The following MYO6 variants were observed in gnomAD, a reference collection of about 807,000 sequenced individuals.
MYO6 encodes unconventional myosin-VI.
Under a neutral mutation model 178.7 loss-of-function variants are expected in MYO6, and 74 were observed. The ratio of observed to expected loss-of-function variants is 0.41; its 90% CI spans 0.34 to 0.50. The LOEUF (loss-of-function observed/expected upper bound fraction) is 0.50. Ranked by LOEUF, MYO6 falls within the 20% of genes least tolerant of loss-of-function variation. The probability of loss-of-function intolerance (pLI) is 0.09; values close to 1 mark genes in which losing one functional copy is unlikely to be tolerated. For missense variants in MYO6, 1,330 were observed against 1,547.4 expected (o/e 0.86, Z 2.36); for synonymous variants, 477 against 504.6 (o/e 0.95, Z 0.73).
At chr6:75,768,081 G>C (rs1174093166) in intron 1 of MYO6, 1 of 151,306 alleles carries the variant, frequency 6.6e-6, no homozygotes, top group Non-Finnish European at 1.5e-5. Context: ...CATTTTACCA[G>C]TTTGCATTTG....
chr6:75,861,861 T>A (rs184110521), intron 15 of MYO6, among the ~76,000 whole-genome samples: 16 of 152,314 alleles, frequency 1.1e-4, no homozygotes, highest in African/African-American at 3.8e-4. Flanking sequence ...TCTGAGTCTT[T>A]GACTGTGTGG....
chr6:75,817,889 A>G (rs1440996633), intron 2 of MYO6, among the ~76,000 whole-genome samples: 1 of 152,148 alleles, frequency 6.6e-6, no homozygotes, highest in Non-Finnish European at 1.5e-5. Flanking sequence ...TGAGCCTTTC[A>G]TTCTTTGTTT....
chr6:75,753,421 C>T (rs1397928078), intron 1 of MYO6, among the ~76,000 whole-genome samples: 1 of 146,934 alleles, frequency 6.8e-6, no homozygotes, highest in East Asian at 2.0e-4. Context: ...TATCTATATG[C>T]ATGTATCTAT....
intron 30 of MYO6, among the ~76,000 whole-genome samples, chr6:75,903,137 T>TA (rs1420246731): frequency 7.2e-5 from 11 of 152,274 alleles, no homozygotes; most frequent in Non-Finnish European, 1.6e-4. Context: ...AGGAGAGCCT[T>TA]ACTTCCAAGT....
intron 1 of MYO6, among the ~76,000 whole-genome samples, chr6:75,769,628 G>T (rs578194120): frequency 6.6e-6 from 1 of 152,198 alleles, no homozygotes; most frequent in African/African-American, 2.4e-5. Context: ...TAGGCTGGGC[G>T]TGGTGGCTCA....
At chr6:75,788,734 G>C (rs72890606) in intron 1 of MYO6, among the ~76,000 whole-genome samples, 1 of 152,102 alleles carries the variant, frequency 6.6e-6, no homozygotes, top group African/African-American at 2.4e-5. Flanking sequence ...CACTGCCTCC[G>C]GTCCAGAATG....
intron 9 of MYO6, among the ~76,000 whole-genome samples, chr6:75,844,652 T>G (rs1232367422): frequency 1.3e-5 from 2 of 152,146 alleles, no homozygotes; most frequent in Non-Finnish European, 2.9e-5. Flanking sequence ...TTTATGTCAT[T>G]GATTTTTAAT....
At chr6:75,868,837 C>A (rs1776908409) in intron 18 of MYO6, among the ~76,000 whole-genome samples, 1 of 151,946 alleles carries the variant, frequency 6.6e-6, no homozygotes, top group Non-Finnish European at 1.5e-5. Context: ...GAAACATAAA[C>A]CCTTTACTGT....
intron 4 of MYO6, among the ~76,000 whole-genome samples, chr6:75,829,555 G>C (rs1438031889): frequency 6.6e-6 from 1 of 152,046 alleles, no homozygotes; most frequent in African/African-American, 2.4e-5. Context: ...TGACAGCTGG[G>C]AGATAGAACT....
At chr6:75,840,779 T>C in intron 8 of MYO6, 97 bp downstream of exon 8, 1 of 867,516 alleles carries the variant, frequency 1.2e-6, no homozygotes, top group Admixed American at 2.0e-5. Context: ...GGTAAATACC[T>C]TTAAGTTTCA....
In MYO6 at chr6:75,860,454, G is replaced by A. The variant is rs557779320; in HGVS notation, c.1474-569G>A. Among the ~76,000 whole-genome samples the A allele has an allele frequency of 4.7e-4, 71 of 152,208 alleles. No homozygotes were observed. The South Asian group carries it at 0.014, about 31-fold the overall frequency. On this transcript the variant is annotated intron_variant, in intron 14 of 34. Coordinates refer to ENST00000369977, the MANE Select transcript of MYO6 (RefSeq NM_004999.4). ...CCAACCTACCAAAAAACTTTATCTA[G>A]AAATATTGTAAAAAGGAGACTGTAT...
intron 1 of MYO6, among the ~76,000 whole-genome samples, chr6:75,807,815 G>A (rs942769515): frequency 2.0e-5 from 3 of 152,258 alleles, no homozygotes; most frequent in Admixed American, 6.5e-5. Flanking sequence ...CTTTACTGCA[G>A]CCCGTTTTAT....
intron 11 of MYO6, among the ~76,000 whole-genome samples, chr6:75,849,834 A>C (rs965112327): frequency 6.6e-6 from 1 of 152,134 alleles, no homozygotes; most frequent in Non-Finnish European, 1.5e-5. Context: ...CTTAGGTTTT[A>C]TTTACTTTAT....
At chr6:75,812,693 CAT>C (rs1295949567) in intron 1 of MYO6, among the ~76,000 whole-genome samples, 3 of 151,790 alleles carry the variant, frequency 2.0e-5, no homozygotes, top group East Asian at 1.9e-4. Context: ...TACGTGAGAA[CAT>C]GTGAAGTTTT....
rs907122357 is a variant in MYO6, at chr6:75,859,736, T to G, written c.1473+743T>G. On this transcript the variant is annotated intron_variant, in intron 14 of 34. Transcript: ENST00000369977. ...ATGCAGTGGCGCGATCTCGGCTCAC[T>G]GCAACCTCTGCCTCCCAGGTTCAAG... is the stretch of plus-strand genomic sequence containing the variant. 3.3e-5 allele frequency among the ~76,000 whole-genome samples: 5 copies of G among 149,260 alleles called. No homozygotes were observed. In the Admixed American group the frequency reaches 3.4e-4, roughly 10 times the overall value.
chr6:75,908,447 G>A (rs750845247), intron 31 of MYO6, 49 bp from the exon 32 acceptor site: 26 of 1,574,058 alleles, frequency 1.7e-5, no homozygotes, highest in South Asian at 5.7e-5. Context: ...TATGTTAGAC[G>A]AATAAATTAA....
At chr6:75,785,682 A>G (rs9447554) in intron 1 of MYO6, among the ~76,000 whole-genome samples, 9,701 of 151,242 alleles carry the variant, frequency 0.064, 396 homozygotes, top group East Asian at 0.18. Flanking sequence ...GTAATCTTCT[A>G]TACAAACTTA....
chr6:75,805,827 G>A (rs1770021717), intron 1 of MYO6, among the ~76,000 whole-genome samples: 1 of 152,166 alleles, frequency 6.6e-6, no homozygotes, highest in African/African-American at 2.4e-5. Flanking sequence ...CAAAGTATAT[G>A]TAGTTAGAAA....
At chr6:75,753,560 C>T (rs1777085312) in intron 1 of MYO6, among the ~76,000 whole-genome samples, 1 of 151,720 alleles carries the variant, frequency 6.6e-6, no homozygotes, top group Non-Finnish European at 1.5e-5. Context: ...CTCCCAGGCT[C>T]AAGTGACACT....
Sources: gnomAD v4.1 joint callset for allele counts (sites outside exome capture counted in the v4.1 genomes callset) on GRCh38, gnomAD v4.1.1 for gene constraint, MANE v1.5 for transcripts, NCBI Gene and HGNC (gene_info 2026-07-23, HGNC 2026-07-21) for gene names.